Variants in LRFN2 observed in about 807,000 individuals in gnomAD.
The protein encoded by LRFN2 is leucine rich repeat and fibronectin type III domain containing 2, also known as leucine-rich repeat and fibronectin type-III domain-containing protein 2.
Under a neutral mutation model 37.3 loss-of-function variants are expected in LRFN2, and 18 were observed. The observed-to-expected ratio is 0.48, with a 90% CI of 0.33 to 0.72. The LOEUF is 0.72. Among genes scored for constraint, LRFN2 ranks in the 30% least tolerant of loss-of-function variants. The probability of loss-of-function intolerance (pLI) is 0.02; values close to 1 mark genes in which losing one functional copy is unlikely to be tolerated. For synonymous variants in LRFN2, 556 were observed against 466.6 expected, an observed-to-expected ratio of 1.19 and a Z score of -2.47; for missense variants, 1,006 against 1,060.7, an observed-to-expected ratio of 0.95 and a Z score of 0.72.
chr6:40,556,221 C>A (rs1240046824), intron 1 of LRFN2, among the ~76,000 whole-genome samples: 1 of 152,196 alleles, frequency 6.6e-6, no homozygotes, highest in Non-Finnish European at 1.5e-5. Context: ...CTCCCACAGC[C>A]CCTCCTACAC....
intron 1 of LRFN2, among the ~76,000 whole-genome samples, chr6:40,560,271 G>A (rs186194376): frequency 3.5e-4 from 54 of 152,196 alleles, no homozygotes; most frequent in African/African-American, 1.1e-3. Context: ...CAGCAGCACC[G>A]GCCACCATAC....
At chr6:40,441,002 C>T (rs956326673) in intron 1 of LRFN2, among the ~76,000 whole-genome samples, 1 of 152,154 alleles carries the variant, frequency 6.6e-6, no homozygotes, top group Admixed American at 6.5e-5. Context: ...CTAACTGAGA[C>T]TGGGCCGCTG....
At chr6:40,559,338 T>C (rs186204134) in intron 1 of LRFN2, among the ~76,000 whole-genome samples, 30 of 152,308 alleles carry the variant, frequency 2.0e-4, no homozygotes, top group Admixed American at 1.5e-3. Context: ...CGGATGCCAC[T>C]GTTTGAGACA....
intron 1 of LRFN2, among the ~76,000 whole-genome samples, chr6:40,445,226 G>A (rs569932881): frequency 7.9e-5 from 12 of 152,296 alleles, no homozygotes; most frequent in South Asian, 2.1e-4. Context: ...TGTTTTACAC[G>A]TTATTTCATT....
chr6:40,497,096 G>A (rs972834143), intron 1 of LRFN2, among the ~76,000 whole-genome samples: 2 of 152,152 alleles, frequency 1.3e-5, no homozygotes, highest in Non-Finnish European at 2.9e-5. Flanking sequence ...CAGCTGGGAG[G>A]AGAGAAGTTT....
chr6:40,561,951 A>T (rs1034293153), intron 1 of LRFN2, among the ~76,000 whole-genome samples: 1 of 152,094 alleles, frequency 6.6e-6, no homozygotes, highest in Non-Finnish European at 1.5e-5. Flanking sequence ...GCAGAAAACC[A>T]TCAGTCTTAT....
intron 1 of LRFN2, among the ~76,000 whole-genome samples, chr6:40,550,391 C>T (rs1766751358): frequency 1.3e-5 from 2 of 152,144 alleles, no homozygotes; most frequent in Admixed American, 1.3e-4. Context: ...CATTGTCAAG[C>T]CTGGCTGGCA....
intron 1 of LRFN2, among the ~76,000 whole-genome samples, chr6:40,551,702 A>G (rs939759879): frequency 6.6e-6 from 1 of 152,240 alleles, no homozygotes; most frequent in Non-Finnish European, 1.5e-5. Context: ...TGATTCCGGG[A>G]TAGAACTACA....
intron 2 of LRFN2, among the ~76,000 whole-genome samples, chr6:40,402,593 C>T (rs1318694177): frequency 1.3e-5 from 2 of 152,158 alleles, no homozygotes; most frequent in African/African-American, 4.8e-5. Flanking sequence ...AGGTACTAGT[C>T]TTATTATCAT....
At chr6:40,400,273 C>T (rs1312008467) in intron 2 of LRFN2, among the ~76,000 whole-genome samples, 2 of 151,778 alleles carry the variant, frequency 1.3e-5, no homozygotes, top group Non-Finnish European at 2.9e-5. Flanking sequence ...ATTTACCCTA[C>T]GGTTAGGCAG....
At chr6:40,451,454 G>T (rs1172007887) in intron 1 of LRFN2, among the ~76,000 whole-genome samples, 2 of 152,186 alleles carry the variant, frequency 1.3e-5, no homozygotes, top group African/African-American at 2.4e-5. Flanking sequence ...GCTCAAGAGG[G>T]TGGGGCAAGA....
chr6:40,574,991 A>T (rs1767252791), intron 1 of LRFN2, among the ~76,000 whole-genome samples: 1 of 152,218 alleles, frequency 6.6e-6, no homozygotes, highest in Non-Finnish European at 1.5e-5. Context: ...TGTCTGGGCC[A>T]TGGCAAGTAG....
intron 1 of LRFN2, among the ~76,000 whole-genome samples, chr6:40,468,381 A>G (rs182849703): frequency 1.2e-4 from 18 of 152,222 alleles, no homozygotes; most frequent in African/African-American, 4.1e-4. Flanking sequence ...ACATGATAAG[A>G]AAGGGATGTA....
At chr6:40,416,426 G>A (rs1763093874) in intron 2 of LRFN2, among the ~76,000 whole-genome samples, 1 of 150,018 alleles carries the variant, frequency 6.7e-6, no homozygotes, top group African/African-American at 2.5e-5. Context: ...GGAATGAGGG[G>A]TGGTGGGTGG....
rs59341642 is a variant in LRFN2, at chr6:40,459,588, T to C, written c.-18-26457A>G. ...CTCATCTCTGCAGGGCCTAATCCTATCAGTCTTTCAGGGCCCAGAACAAAT... is the reference window on the plus strand; with the variant it reads ...CTCATCTCTGCAGGGCCTAATCCTACCAGTCTTTCAGGGCCCAGAACAAAT... On this transcript the variant is annotated intron_variant, in intron 1 of 2. Transcript: ENST00000338305. Among the ~76,000 whole-genome samples the C allele has an allele frequency of 8.4e-3, 1,284 of 152,330 alleles. 18 individuals are homozygous for C. Among genetic ancestry groups the C allele is most frequent in the African/African-American group, 0.029 (1,201 of 41,568 alleles).
intron 1 of LRFN2, among the ~76,000 whole-genome samples, chr6:40,482,769 C>G (rs1764864239): frequency 6.6e-6 from 1 of 152,180 alleles, no homozygotes; most frequent in Admixed American, 6.5e-5. Flanking sequence ...CCTCCCCCTC[C>G]TGGCCAGGCC....
At chr6:40,575,230 C>A (rs527931488) in intron 1 of LRFN2, among the ~76,000 whole-genome samples, 3 of 152,214 alleles carry the variant, frequency 2.0e-5, no homozygotes, top group South Asian at 2.1e-4. Flanking sequence ...TGGCAGAGTG[C>A]GCAGAACCCC....
chr6:40,569,446 A>G (rs1337834633), intron 1 of LRFN2, among the ~76,000 whole-genome samples: 1 of 152,116 alleles, frequency 6.6e-6, no homozygotes, highest in Non-Finnish European at 1.5e-5. Context: ...CTTCACTGAG[A>G]CTCAGAAGTC....
chr6:40,424,244 G>A (rs941628575), intron 2 of LRFN2, among the ~76,000 whole-genome samples: 1 of 152,158 alleles, frequency 6.6e-6, no homozygotes, highest in African/African-American at 2.4e-5. Flanking sequence ...TTAGAAGTAT[G>A]AGACTGAGTC....
Sources: gnomAD v4.1 joint callset for allele counts (sites outside exome capture counted in the v4.1 genomes callset) on GRCh38, gnomAD v4.1.1 for gene constraint, MANE v1.5 for transcripts, NCBI Gene and HGNC (gene_info 2026-07-23, HGNC 2026-07-21) for gene names.